The following CSMD3 variants were observed in gnomAD, a reference collection of about 807,000 sequenced individuals.
CSMD3 encodes CUB and sushi domain-containing protein 3.
In CSMD3, 177 loss-of-function variants were observed where a neutral mutation model predicts 435.2. That is an observed-to-expected ratio of 0.41 (90% CI 0.36 to 0.46). The LOEUF (loss-of-function observed/expected upper bound fraction) is 0.46, where lower values mean the gene tolerates loss of function less well. CSMD3 is among the 20% of genes least tolerant of loss of function. The pLI, the probability that CSMD3 is intolerant of heterozygous loss-of-function variation, is 0.34. For missense variants in CSMD3, 4,265 were observed against 4,504.6 expected (o/e 0.95, Z 1.52); for synonymous variants, 1,656 against 1,520.5 (o/e 1.09, Z -2.07).
intron 53 of CSMD3, among the ~76,000 whole-genome samples, chr8:112,296,556 A>AAAAT (rs1820300979): frequency 1.3e-5 from 2 of 149,250 alleles, no homozygotes; most frequent in Admixed American, 6.9e-5. Context: ...CCTCAAAAAA[A>AAAAT]AAATAAATAA....
intron 13 of CSMD3, among the ~76,000 whole-genome samples, chr8:112,720,240 A>G (rs2076827774): frequency 6.6e-6 from 1 of 152,134 alleles, no homozygotes; most frequent in Non-Finnish European, 1.5e-5. Flanking sequence ...TCTTCTAACC[A>G]TTGCAACAAT....
chr8:113,035,932 C>G (rs115069699), intron 5 of CSMD3, among the ~76,000 whole-genome samples: 2,270 of 151,916 alleles, frequency 0.015, 56 homozygotes, highest in African/African-American at 0.053. Context: ...TCATTATTTG[C>G]CCATAATTGC....
chr8:112,492,228 C>G (rs570801233), intron 31 of CSMD3, among the ~76,000 whole-genome samples: 3 of 152,158 alleles, frequency 2.0e-5, no homozygotes, highest in Non-Finnish European at 2.9e-5. Context: ...ATTAGCATAA[C>G]AGGCAGTAAC....
At chr8:112,494,493 TCCTTTCTTTCTTTC>T (rs1821060625) in intron 30 of CSMD3, among the ~76,000 whole-genome samples, 1 of 101,720 alleles carries the variant, frequency 9.8e-6, no homozygotes, top group Non-Finnish European at 2.1e-5. Flanking sequence ...TTTCTTTCTC[TCCTTTCTTTCTTTC>T]TTTCTTTCTT....
intron 3 of CSMD3, among the ~76,000 whole-genome samples, chr8:113,183,795 A>C (rs2131944270): frequency 6.6e-6 from 1 of 152,106 alleles, no homozygotes; most frequent in South Asian, 2.1e-4. Flanking sequence ...AAATCAGGGT[A>C]ATGGGTTCTT....
intron 9 of CSMD3, among the ~76,000 whole-genome samples, chr8:112,933,878 T>A (rs957339976): frequency 6.6e-6 from 1 of 151,924 alleles, no homozygotes; most frequent in Non-Finnish European, 1.5e-5. Flanking sequence ...ACCACTAGCA[T>A]CTAGTTGAGG....
At chr8:112,825,251 G>T (rs573318928) in intron 12 of CSMD3, among the ~76,000 whole-genome samples, 1 of 151,986 alleles carries the variant, frequency 6.6e-6, no homozygotes, top group Non-Finnish European at 1.5e-5. Context: ...TGGTTAGAAC[G>T]TGCTCCTTTA....
chr8:112,510,379 A>G lies in CSMD3; in HGVS notation c.4757-3550T>C, dbSNP rs556744967. Among the ~76,000 whole-genome samples the G allele has an allele frequency of 2.6e-5, 4 of 152,322 alleles. No individual in the cohort carries two copies. In the South Asian group the frequency reaches 8.3e-4, roughly 32 times the overall value. Reference sequence around the variant, plus strand: ...ATCAACCATCAGTGTATACACATAAATTATACTCAAATATTATCATACTGC... The same window carrying G: ...ATCAACCATCAGTGTATACACATAAGTTATACTCAAATATTATCATACTGC... On this transcript the variant is annotated intron_variant, in intron 28 of 70. Coordinates refer to ENST00000297405, the MANE Select transcript of CSMD3 (RefSeq NM_198123.2).
chr8:113,377,612 A>G (rs2094394217), intron 1 of CSMD3, among the ~76,000 whole-genome samples: 1 of 152,172 alleles, frequency 6.6e-6, no homozygotes, highest in African/African-American at 2.4e-5. Flanking sequence ...GTTAGACGGT[A>G]TTTATAAAAC....
intron 29 of CSMD3, among the ~76,000 whole-genome samples, chr8:112,505,604 G>C (rs1484712017): frequency 1.3e-5 from 2 of 152,018 alleles, no homozygotes; most frequent in African/African-American, 4.8e-5. Context: ...AATACTTCAA[G>C]TATTGTAACT....
intron 11 of CSMD3, among the ~76,000 whole-genome samples, chr8:112,845,016 T>C (rs1173278142): frequency 6.6e-6 from 1 of 152,004 alleles, no homozygotes; most frequent in Non-Finnish European, 1.5e-5. Flanking sequence ...CAATGGTTAG[T>C]AGTGGGAACA....
chr8:112,647,237 A>G (rs949251883), intron 19 of CSMD3, among the ~76,000 whole-genome samples: 2 of 151,534 alleles, frequency 1.3e-5, no homozygotes, highest in South Asian at 4.1e-4. Context: ...ATGAATATAT[A>G]AAAAAAATTC....
At chr8:112,729,442 T>A (rs1378139680) in intron 13 of CSMD3, among the ~76,000 whole-genome samples, 1 of 152,062 alleles carries the variant, frequency 6.6e-6, no homozygotes, top group Non-Finnish European at 1.5e-5. Context: ...CAATTTGAAA[T>A]TGTAAAAGAA....
intron 6 of CSMD3, among the ~76,000 whole-genome samples, chr8:113,009,351 ATTCAGG>A (rs2086172725): frequency 6.6e-6 from 1 of 151,898 alleles, no homozygotes; most frequent in African/African-American, 2.4e-5. Flanking sequence ...TAAGTAATCT[ATTCAGG>A]TTCACAGACT....
intron 14 of CSMD3, among the ~76,000 whole-genome samples, chr8:112,686,621 G>A (rs920859835): frequency 3.3e-5 from 5 of 151,494 alleles, no homozygotes; most frequent in Admixed American, 2.6e-4. Context: ...GGAGTAGCTG[G>A]GAATACAGGC....
At chr8:113,063,863 T>A (rs2088725035) in intron 5 of CSMD3, among the ~76,000 whole-genome samples, 1 of 151,844 alleles carries the variant, frequency 6.6e-6, no homozygotes, top group Non-Finnish European at 1.5e-5. Context: ...TCAAATATTT[T>A]TAATATCAGC....
chr8:113,060,915 A>G (rs1203736604), intron 5 of CSMD3, among the ~76,000 whole-genome samples: 1 of 152,156 alleles, frequency 6.6e-6, no homozygotes, highest in African/African-American at 2.4e-5. Context: ...AATTGCCAAC[A>G]CCAATAATAC....
intron 11 of CSMD3, among the ~76,000 whole-genome samples, chr8:112,844,181 C>T (rs1484109894): frequency 6.6e-6 from 1 of 151,902 alleles, no homozygotes; most frequent in East Asian, 1.9e-4. Flanking sequence ...AATTCATCTA[C>T]AATTTAATAT....
chr8:112,801,265 T>G (rs2078955211), intron 12 of CSMD3, among the ~76,000 whole-genome samples: 1 of 152,006 alleles, frequency 6.6e-6, no homozygotes, highest in South Asian at 2.1e-4. Flanking sequence ...AAATAGTGGC[T>G]CTACTATGAA....
Sources: gnomAD v4.1 joint callset for allele counts (sites outside exome capture counted in the v4.1 genomes callset) on GRCh38, gnomAD v4.1.1 for gene constraint, MANE v1.5 for transcripts, NCBI Gene and HGNC (gene_info 2026-07-23, HGNC 2026-07-21) for gene names.